Variants in IQGAP1 observed in about 807,000 individuals in gnomAD.
The protein encoded by IQGAP1 is IQ motif containing GTPase activating protein 1, also known as ras GTPase-activating-like protein IQGAP1.
A neutral mutation model predicts 215.6 loss-of-function variants in IQGAP1; 66 were observed. The observed-to-expected ratio is 0.31, with a 90% CI of 0.25 to 0.38. The LOEUF (loss-of-function observed/expected upper bound fraction) is 0.38. Ranked by LOEUF, IQGAP1 falls within the 10% of genes least tolerant of loss-of-function variation. IQGAP1 has a pLI of 1.00. For synonymous variants in IQGAP1, 772 were observed against 728.7 expected (o/e 1.06, Z -0.96); for missense variants, 1,712 against 1,997.1 (o/e 0.86, Z 2.72).
At chr15:90,393,249 C>T (rs1227854595) in intron 2 of IQGAP1, among the ~76,000 whole-genome samples, 2 of 152,132 alleles carry the variant, frequency 1.3e-5, no homozygotes, top group African/African-American at 2.4e-5. Flanking sequence ...TCAGAATCCA[C>T]AGTTGCTCAA....
At position 90,473,775 on chromosome 15, in the gene IQGAP1, T is replaced by C; in HGVS notation, c.2410T>C (p.Ser804Pro). Reference protein sequence around the residue: ...AYQDRLAYLRSHKDEVVKIQS... With the variant: ...AYQDRLAYLRPHKDEVVKIQS... ...TCAAGATCGGTTAGCTTACCTGCGCTCCCACAAAGATGAAGTTGTAAAGGT... is the reference window on the plus strand; with the variant it reads ...TCAAGATCGGTTAGCTTACCTGCGCCCCCACAAAGATGAAGTTGTAAAGGT... The change falls in exon 20 of 38, where the codon TCC (serine) becomes CCC (proline). Residue 804 changes from serine (S) to proline (P), a missense_variant. Around this residue, in one of 2 missense-constraint regions of IQGAP1, gnomAD observed 1,021 missense variants for 1,074.2 expected, o/e 0.95. Coordinates refer to ENST00000268182, the MANE Select transcript of IQGAP1 (RefSeq NM_003870.4). The C allele has an allele frequency of 6.2e-7, 1 of 1,612,392 alleles. No individual in the cohort carries two copies. Among genetic ancestry groups the C allele is most frequent in the Non-Finnish European group, 8.5e-7 (1 of 1,179,554 alleles).
chr15:90,498,272 A>G (rs957831574), intron 37 of IQGAP1, among the ~76,000 whole-genome samples: 5 of 152,122 alleles, frequency 3.3e-5, no homozygotes, highest in Admixed American at 6.5e-5. Context: ...TTCCTTCTCA[A>G]TGACCAGTAG....
intron 8 of IQGAP1, among the ~76,000 whole-genome samples, chr15:90,442,137 C>G (rs1230407704): frequency 6.6e-6 from 1 of 152,108 alleles, no homozygotes; most frequent in African/African-American, 2.4e-5. Context: ...TCCTCTTTCC[C>G]AGATTCTCTG....
chr15:90,471,803 C>T (rs972364909), intron 18 of IQGAP1, among the ~76,000 whole-genome samples: 3 of 148,402 alleles, frequency 2.0e-5, no homozygotes, highest in African/African-American at 7.5e-5. Flanking sequence ...CCTGGCCACT[C>T]GTGGAGTCTT....
intron 3 of IQGAP1, 136 bp from the exon 4 acceptor site, chr15:90,429,453 T>C: frequency 1.7e-6 from 1 of 591,006 alleles, no homozygotes; most frequent in South Asian, 2.4e-5. Flanking sequence ...CTTTTTGGTA[T>C]TGGAATGTGA....
At chr15:90,406,766 C>T (rs550361646) in intron 2 of IQGAP1, among the ~76,000 whole-genome samples, 2 of 152,186 alleles carry the variant, frequency 1.3e-5, no homozygotes, top group East Asian at 1.9e-4. Flanking sequence ...TTCAATGTAC[C>T]GTGAATCTAA....
chr15:90,444,472 CAG>C (rs1399202451), intron 9 of IQGAP1, among the ~76,000 whole-genome samples: 3 of 152,010 alleles, frequency 2.0e-5, no homozygotes, highest in Admixed American at 1.3e-4. Flanking sequence ...TTTGAAGAGA[CAG>C]GGTCTCGCTC....
intron 6 of IQGAP1, among the ~76,000 whole-genome samples, 195 bp downstream of exon 6, chr15:90,439,594 TA>T (rs1965420351): frequency 6.6e-6 from 1 of 152,244 alleles, no homozygotes; most frequent in Non-Finnish European, 1.5e-5. Flanking sequence ...TTCTCTCACT[TA>T]ATAATGTGAA....
chr15:90,403,955 A>T (rs145161852), intron 2 of IQGAP1, among the ~76,000 whole-genome samples: 4 of 152,320 alleles, frequency 2.6e-5, no homozygotes, highest in Admixed American at 6.5e-5. Context: ...GCTTACAGAC[A>T]TGAGCCACCG....
intron 15 of IQGAP1, among the ~76,000 whole-genome samples, chr15:90,462,100 G>A (rs1965772335): frequency 1.3e-5 from 2 of 152,100 alleles, no homozygotes; most frequent in African/African-American, 4.8e-5. Flanking sequence ...CCCAGGAGGT[G>A]GAGCTTGCAG....
intron 37 of IQGAP1, among the ~76,000 whole-genome samples, chr15:90,498,975 G>C (rs948908936): frequency 6.6e-6 from 1 of 152,080 alleles, no homozygotes; most frequent in Non-Finnish European, 1.5e-5. Context: ...ACGCCCCAAC[G>C]CCCAGCTAAT....
chr15:90,453,600 T>C lies in IQGAP1; in HGVS notation c.1487+308T>C, dbSNP rs142648809. On this transcript the variant is annotated intron_variant, in intron 13 of 37. Transcript: ENST00000268182. ...TTTCATTCTTCATTTGTTCCCAAAC[T>C]GTCCTTTATAGCTGTTTTGTTGAAA... 5.8e-4 allele frequency among the ~76,000 whole-genome samples: 88 copies of C among 152,346 alleles called. 1 individual carries two copies. Among genetic ancestry groups the C allele is most frequent in the African/African-American group, 1.9e-3 (81 of 41,584 alleles).
chr15:90,479,569 C>A (rs1966026899), intron 26 of IQGAP1, among the ~76,000 whole-genome samples: 1 of 126,654 alleles, frequency 7.9e-6, no homozygotes, highest in Non-Finnish European at 1.6e-5. Context: ...GATACCTTGT[C>A]CCTACTTAAA....
At chr15:90,453,762 C>A (rs1596274370) in intron 13 of IQGAP1, among the ~76,000 whole-genome samples, 1 of 152,174 alleles carries the variant, frequency 6.6e-6, no homozygotes, top group Admixed American at 6.5e-5. Context: ...ATGGATAGTT[C>A]TAGTTGCTTT....
chr15:90,444,431 G>T (rs768092298), intron 9 of IQGAP1, among the ~76,000 whole-genome samples: 13 of 151,886 alleles, frequency 8.6e-5, no homozygotes, highest in Non-Finnish European at 1.6e-4. Flanking sequence ...ACAGTCATGC[G>T]CTGCCACACC....
intron 2 of IQGAP1, among the ~76,000 whole-genome samples, chr15:90,409,264 G>A (rs965353279): frequency 4.6e-5 from 6 of 130,322 alleles, no homozygotes; most frequent in African/African-American, 1.8e-4. Context: ...TTTAGATAAG[G>A]TCTGGCTCTA....
intron 2 of IQGAP1, among the ~76,000 whole-genome samples, chr15:90,409,473 A>G (rs1292273751): frequency 6.6e-6 from 1 of 151,918 alleles, no homozygotes; most frequent in East Asian, 1.9e-4. Context: ...CCTGACCTCA[A>G]ATGATCCACC....
intron 9 of IQGAP1, among the ~76,000 whole-genome samples, chr15:90,445,270 G>A (rs1355566203): frequency 2.0e-5 from 3 of 151,692 alleles, no homozygotes; most frequent in Non-Finnish European, 4.4e-5. Context: ...ATACGAGATA[G>A]TGTATGTAAA....
intron 2 of IQGAP1, among the ~76,000 whole-genome samples, chr15:90,394,060 G>A (rs527720895): frequency 3.7e-4 from 55 of 148,478 alleles, no homozygotes; most frequent in African/African-American, 1.4e-3. Context: ...GCTTGAACCC[G>A]GGAGGCAGAG....
Sources: gnomAD v4.1 joint callset for allele counts (sites outside exome capture counted in the v4.1 genomes callset) on GRCh38, gnomAD v4.1.1 for gene constraint, gnomAD v4.1.1 regional missense constraint, MANE v1.5 for transcripts, NCBI Gene and HGNC (gene_info 2026-07-23, HGNC 2026-07-21) for gene names.